NBPF9: variants seen among roughly 807,000 people sequenced by gnomAD.
NBPF9 encodes the protein NBPF member 9.
A neutral mutation model predicts 97.8 loss-of-function variants in NBPF9; 91 were observed. The ratio of observed to expected loss-of-function variants is 0.93; its 90% CI spans 0.79 to 1.11. NBPF9 has a LOEUF of 1.11. Ranked by LOEUF, NBPF9 falls within the 50% of genes least tolerant of loss-of-function variation. NBPF9 has a pLI of 0.00. For synonymous variants in NBPF9, 334 were observed against 359.5 expected, an observed-to-expected ratio of 0.93 and a Z score of 0.80; for missense variants, 992 against 939.5, an observed-to-expected ratio of 1.06 and a Z score of -0.73.
chr1:149,079,637 GAAGAA>G (rs1289990734), intron 8 of NBPF9, among the ~76,000 whole-genome samples: 3 of 150,298 alleles, frequency 2.0e-5, no homozygotes, highest in African/African-American at 7.4e-5. Context: ...AAAGACGAAA[GAAGAA>G]AAGAATGACA....
At chr1:149,055,925 A>C in intron 29 of NBPF9, 26 bp from the exon 30 acceptor site, 1 of 1,611,878 alleles carries the variant, frequency 6.2e-7, no homozygotes, top group Non-Finnish European at 8.5e-7. Context: ...AAACTAAAGA[A>C]GCAGCCAGGG....
At chr1:149,085,424 A>T (rs1352681913) in intron 5 of NBPF9, among the ~76,000 whole-genome samples, 2 of 152,180 alleles carry the variant, frequency 1.3e-5, no homozygotes, top group Non-Finnish European at 2.9e-5. Context: ...TGCTTCTTCA[A>T]TATCGACTTG....
intron 28 of NBPF9, among the ~76,000 whole-genome samples, 188 bp downstream of exon 28, chr1:149,057,147 T>G (rs2078268616): frequency 1.7e-3 from 1 of 576 alleles, no homozygotes. Context: ...AAGAGAGTCT[T>G]GCTCACTGAC....
exon 30 of NBPF9, chr1:149,055,666 A>T: frequency 6.2e-7 from 1 of 1,611,894 alleles, no homozygotes; most frequent in Non-Finnish European, 8.5e-7. Context: ...TTATTGTGGG[A>T]ATATGACTTC....
chr1:149,058,809 G>A (rs1318148415), intron 26 of NBPF9, 116 bp downstream of exon 26: 1 of 698,288 alleles, frequency 1.4e-6, no homozygotes, highest in Non-Finnish European at 2.6e-6. Context: ...TGCGCCCATA[G>A]GTCCTGCCTG....
chr1:149,080,374 C>G (rs1357124386), intron 7 of NBPF9, among the ~76,000 whole-genome samples: 2 of 150,396 alleles, frequency 1.3e-5, no homozygotes, highest in Non-Finnish European at 2.9e-5. Context: ...AAGGGCGCAT[C>G]AAGGAAGTTG....
At chr1:149,052,233 A>T (rs2077953670), downstream of NBPF9, among the ~76,000 whole-genome samples, 1 of 151,962 alleles carries the variant, frequency 6.6e-6, no homozygotes, top group Admixed American at 6.6e-5. Context: ...CATTAAAGAA[A>T]ACATTGATAA....
chr1:149,082,957 CTTTTTTTTTTTTTT>C (rs1157992196), intron 5 of NBPF9, among the ~76,000 whole-genome samples: 1 of 66,470 alleles, frequency 1.5e-5, no homozygotes, highest in Admixed American at 2.4e-4. Context: ...TTTTTCTTTT[CTTTTTTTTTTTTTT>C]TTTTTTTTTT....
intron 20 of NBPF9, among the ~76,000 whole-genome samples, chr1:149,063,206 C>A (rs1265848190): frequency 3.9e-5 from 5 of 128,224 alleles, no homozygotes; most frequent in African/African-American, 1.5e-4. Context: ...AAAGCAAATG[C>A]CCCCAAATGG....
chr1:149,076,666 CT>C (rs1433914823), intron 11 of NBPF9, among the ~76,000 whole-genome samples: 8 of 142,506 alleles, frequency 5.6e-5, no homozygotes, highest in African/African-American at 2.0e-4. Context: ...CCACGCCCAG[CT>C]ATTTTTTTTT....
intron 5 of NBPF9, among the ~76,000 whole-genome samples, chr1:149,085,779 G>A (rs1223555834): frequency 4.0e-5 from 6 of 151,420 alleles, no homozygotes; most frequent in East Asian, 4.0e-4. Flanking sequence ...GCATAATTTC[G>A]GTACAACAGA....
chr1:149,068,446 T>C (rs1339706964), intron 17 of NBPF9, among the ~76,000 whole-genome samples: 3 of 147,252 alleles, frequency 2.0e-5, no homozygotes, highest in Non-Finnish European at 4.4e-5. Flanking sequence ...ACCAAGCAAA[T>C]GGAAAACAAA....
intron 4 of NBPF9, among the ~76,000 whole-genome samples, chr1:149,093,451 A>C (rs1202885459): frequency 6.6e-6 from 1 of 151,380 alleles, no homozygotes; most frequent in African/African-American, 2.4e-5. Context: ...GCTGGGGGAC[A>C]GTCAGGTCTT....
intron 5 of NBPF9, among the ~76,000 whole-genome samples, chr1:149,085,172 C>G (rs587615666): frequency 6.6e-6 from 1 of 152,172 alleles, no homozygotes; most frequent in East Asian, 1.9e-4. Context: ...TGGACAGACA[C>G]CTTCCCCCAC....
chr1:149,085,196 G>A (rs1440819408), intron 5 of NBPF9, among the ~76,000 whole-genome samples: 1 of 151,930 alleles, frequency 6.6e-6, no homozygotes, highest in Non-Finnish European at 1.5e-5. Context: ...TACCCCTCCT[G>A]TGTGTGGCTG....
Position 149,058,828 on chromosome 1 carries a change from A to T in NBPF9, c.2758+97T>A, listed in dbSNP as rs2152865025. ...CCCATAGGTCCTGCCTGTGGCAATGACATCTCTCAGGTCAGTAAGGGCCAC... is the reference window on the plus strand; with the variant it reads ...CCCATAGGTCCTGCCTGTGGCAATGTCATCTCTCAGGTCAGTAAGGGCCAC... On this transcript the variant is annotated intron_variant, in intron 26 of 29. Transcript: ENST00000584027. 3 of 715,956 alleles carry T rather than the reference A, an allele frequency of 4.2e-6. No homozygotes were observed. The East Asian group carries it at 7.7e-5, about 18-fold the overall frequency. 44.4% of individuals were successfully genotyped at this position (715,956 alleles called of 1,614,324 possible). A position where few individuals can be genotyped will look rare whatever the true frequency, so the allele number is the denominator to read the frequency against.
chr1:149,064,071 C>T (rs1345843963), intron 19 of NBPF9, among the ~76,000 whole-genome samples: 5 of 137,206 alleles, frequency 3.6e-5, no homozygotes, highest in Non-Finnish European at 7.8e-5. Flanking sequence ...AGGTGACACA[C>T]TGATGAGGGA....
chr1:149,077,516 A>T, intron 10 of NBPF9, 97 bp from the exon 11 acceptor site: 1 of 1,550,356 alleles, frequency 6.5e-7, no homozygotes, highest in Non-Finnish European at 8.9e-7. Context: ...GCATTAAGAG[A>T]GTGGTTCCAG....
chr1:149,074,005 C>A, intron 12 of NBPF9, 135 bp from the exon 13 acceptor site: 1 of 586,190 alleles, frequency 1.7e-6, no homozygotes, highest in Non-Finnish European at 3.0e-6. Flanking sequence ...GGGATTTCCA[C>A]ATCTTTACTC....
Sources: gnomAD v4.1 joint callset for allele counts (sites outside exome capture counted in the v4.1 genomes callset) on GRCh38, gnomAD v4.1.1 for gene constraint, MANE v1.5 for transcripts, NCBI Gene and HGNC (gene_info 2026-07-23, HGNC 2026-07-21) for gene names.